SSNA1: variants seen among roughly 807,000 people sequenced by gnomAD.
SSNA1 encodes microtubule nucleation factor SSNA1.
Under a neutral mutation model 13.3 loss-of-function variants are expected in SSNA1, and 13 were observed. The observed-to-expected ratio is 0.97, with a 90% CI of 0.63 to 1.55. The LOEUF is 1.55. Among genes scored for constraint, SSNA1 ranks in the 40% most tolerant of loss-of-function variants. SSNA1 has a pLI of 0.00. For missense variants in SSNA1, 186 were observed against 152.7 expected, an observed-to-expected ratio of 1.22 and a Z score of -1.15; for synonymous variants, 89 against 65.9, an observed-to-expected ratio of 1.35 and a Z score of -1.70.
chr9:137,189,338 G>C lies in SSNA1; in HGVS notation c.252+73G>C, dbSNP rs1380957804. On this transcript the variant is annotated intron_variant, in intron 2 of 2. Coordinates refer to ENST00000322310, the MANE Select transcript of SSNA1 (RefSeq NM_003731.3). ...GGGTGTTGCCACGGCAAGGCGTCAGGACCGGCTGGGGCTCCCGGCTGTGGG... is the reference window on the plus strand; with the variant it reads ...GGGTGTTGCCACGGCAAGGCGTCAGCACCGGCTGGGGCTCCCGGCTGTGGG... The C allele has an allele frequency of 6.4e-6, 10 of 1,551,208 alleles. No homozygotes were observed. In the Middle Eastern group the frequency reaches 6.7e-4, roughly 104 times the overall value.
Position 137,188,685 on chromosome 9 carries a change from T to A in SSNA1, c.-42T>A, listed in dbSNP as rs1196192525. On this transcript the variant is annotated 5_prime_UTR_variant, in exon 1 of 3. Transcript: ENST00000322310. ...GTGCGCAGGCGCGGACAGCGCTGCT[T>A]CCGCGGCGGTTGGGGTGGTGGGGCC... The A allele has an allele frequency of 6.4e-7, 1 of 1,572,790 alleles. No individual in the cohort carries two copies. Among genetic ancestry groups the A allele is most frequent in the Non-Finnish European group, 8.6e-7 (1 of 1,168,426 alleles).
chr9:137,189,789 T>A lies in SSNA1; in HGVS notation c.253-18T>A. On this transcript the variant is annotated intron_variant, in intron 2 of 2. Coordinates refer to ENST00000322310, the MANE Select transcript of SSNA1 (RefSeq NM_003731.3). ...CAACAGGTGAACATTAACAACCTTC[T>A]CACTTCTCTGGCCCCAGATCCTGGA... is the stretch of plus-strand genomic sequence containing the variant. 6.2e-7 allele frequency: 1 copy of A among 1,611,028 alleles called. No homozygotes were observed. The highest frequency in any genetic ancestry group is 8.5e-7 in the Non-Finnish European group (1 of 1,177,524).
intron 1 of SSNA1, 79 bp downstream of exon 1, chr9:137,188,857 C>G: frequency 6.9e-7 from 1 of 1,441,032 alleles, no homozygotes; most frequent in Non-Finnish European, 9.1e-7. Context: ...TGCCCCTGGA[C>G]CCGCCTCGCT....
At position 137,189,794 on chromosome 9, in the gene SSNA1, T is replaced by C; in HGVS notation, c.253-13T>C. ...GGTGAACATTAACAACCTTCTCACT[T>C]CTCTGGCCCCAGATCCTGGAGAGCT... is the stretch of plus-strand genomic sequence containing the variant. On this transcript the variant is annotated splice_polypyrimidine_tract_variant and intron_variant, in intron 2 of 2. Transcript: ENST00000322310. The C allele has an allele frequency of 6.2e-7, 1 of 1,612,814 alleles. No homozygotes were observed. The highest frequency in any genetic ancestry group is 8.5e-7 in the Non-Finnish European group (1 of 1,179,078).
chr9:137,190,241 C>T lies in SSNA1; in HGVS notation c.*327C>T, dbSNP rs995224548. The T allele has an allele frequency of 1.8e-5, 6 of 333,512 alleles. No homozygotes were observed. Among genetic ancestry groups the T allele is most frequent in the South Asian group, 3.2e-5 (1 of 30,894 alleles). 20.7% of individuals were successfully genotyped at this position (333,512 alleles called of 1,614,324 possible). The stretch of plus-strand genomic sequence containing the variant: ...CACCATGGGGGCCCCCTCACCTTGT[C>T]CCTCCTCAGCCAGCAGAGGCCCAGG... On this transcript the variant is annotated 3_prime_UTR_variant, in exon 3 of 3. Transcript: ENST00000322310.
Position 137,189,885 on chromosome 9 carries a change from C to T in SSNA1, c.331C>T (p.Gln111Ter). The T allele has an allele frequency of 6.2e-7, 1 of 1,613,914 alleles. No individual in the cohort carries two copies. The highest frequency in any genetic ancestry group is 1.1e-5 in the South Asian group (1 of 91,086). Residue 111 changes from glutamine to a stop codon, truncating the protein, a stop_gained, in exon 3 of 3, where the codon CAG (glutamine) becomes TAG (stop). Transcript: ENST00000322310. LOFTEE classifies it high-confidence loss of function. ...GNLTKATAPD[Q>*]KSSGGRDS ...CCTGACCAAGGCTACAGCCCCAGACCAGAAAAGTAGCGGCGGCAGGGACAG... is the reference window on the plus strand; with the variant it reads ...CCTGACCAAGGCTACAGCCCCAGACTAGAAAAGTAGCGGCGGCAGGGACAG...
In SSNA1 at chr9:137,190,073, G is replaced by A. The variant is rs535973604; in HGVS notation, c.*159G>A. The A allele has an allele frequency of 4.4e-5, 29 of 664,628 alleles. No individual in the cohort carries two copies. The African/African-American group carries it at 4.7e-4, about 11-fold the overall frequency. The allele number at this position is 664,628 out of a possible 1,614,324, so 41.2% of individuals were successfully genotyped here. A position where few individuals can be genotyped will look rare whatever the true frequency, so the allele number is the denominator to read the frequency against. On this transcript the variant is annotated 3_prime_UTR_variant, in exon 3 of 3. Coordinates refer to ENST00000322310, the MANE Select transcript of SSNA1 (RefSeq NM_003731.3). ...CAGCCTCCACTGGCATCAGTGACAAGCCCAGGGCACAGCCCACCCGGGGGT... is the reference window on the plus strand; with the variant it reads ...CAGCCTCCACTGGCATCAGTGACAAACCCAGGGCACAGCCCACCCGGGGGT...
rs756164620 is a variant in SSNA1 at position 137,188,771 on chromosome 9, G to T, written c.45G>T (p.Leu15=). The part of the protein sequence containing the change: ...GAALQNYNNE[L]VKCIEELCQK... The stretch of plus-strand genomic sequence containing the variant: ...CGCTGCAGAACTACAACAACGAGCT[G>T]GTCAAGTGTGAGCGGCGCAGCCGGG... Residue 15 remains leucine, a synonymous_variant, in exon 1 of 3, where the codon CTG becomes CTT. Transcript: ENST00000322310. 60 of 1,580,662 alleles carry T rather than the reference G, an allele frequency of 3.8e-5. No homozygotes were observed. The highest frequency in any genetic ancestry group is 4.6e-5 in the Non-Finnish European group (54 of 1,171,166).
rs1412504056 is a variant in SSNA1 at position 137,189,150 on chromosome 9, A to T, written c.137A>T (p.Glu46Val). ...EEDEKQRLQN[E>V]VRQLTEKLAR... ...GACGAGAAGCAGCGGCTGCAGAATG[A>T]GGTGAGGCAGCTGACAGAGAAGCTG... The change falls in exon 2 of 3, where the codon GAG becomes GTG. Residue 46 changes from glutamate to valine, a missense_variant. Coordinates refer to ENST00000322310, the MANE Select transcript of SSNA1 (RefSeq NM_003731.3). 1.9e-6 allele frequency: 3 copies of T among 1,611,972 alleles called. No individual in the cohort carries two copies. The highest frequency in any genetic ancestry group is 2.5e-6 in the Non-Finnish European group (3 of 1,179,540).
At chr9:137,189,355 G>A (rs1338616222) in intron 2 of SSNA1, 90 bp downstream of exon 2, 3 of 1,456,946 alleles carry the variant, frequency 2.1e-6, no homozygotes, top group South Asian at 2.4e-5. Flanking sequence ...TGGGGCTCCC[G>A]GCTGTGGGCA....
chr9:137,188,902 C>A, intron 1 of SSNA1, 124 bp downstream of exon 1: 1 of 1,324,458 alleles, frequency 7.6e-7, no homozygotes, highest in Non-Finnish European at 9.9e-7. Context: ...GCCCTCCGTG[C>A]CGGAGGCCGG....
chr9:137,188,698 G>A lies in SSNA1; in HGVS notation c.-29G>A. 6.3e-7 allele frequency: 1 copy of A among 1,576,384 alleles called. No individual in the cohort carries two copies. Among genetic ancestry groups the A allele is most frequent in the Non-Finnish European group, 8.5e-7 (1 of 1,169,998 alleles). On this transcript the variant is annotated 5_prime_UTR_variant, in exon 1 of 3. Transcript: ENST00000322310. ...GACAGCGCTGCTTCCGCGGCGGTTG[G>A]GGTGGTGGGGCCCCGGGCGGCGTTG... is the stretch of plus-strand genomic sequence containing the variant.
At position 137,189,195 on chromosome 9, in the gene SSNA1, T is replaced by G; in HGVS notation, c.182T>G (p.Leu61Arg). The change falls in exon 2 of 3, where the codon CTG becomes CGG. Residue 61 changes from leucine to arginine, a missense_variant. Transcript: ENST00000322310. ...AAGCTGGCCCGCGTCAACGAGAACC[T>G]GGCACGCAAGATTGCCTCTCGCAAC... is the stretch of plus-strand genomic sequence containing the variant. Reference protein sequence around the residue: ...TEKLARVNENLARKIASRNEF... With the variant: ...TEKLARVNENRARKIASRNEF... 6.2e-7 allele frequency: 1 copy of G among 1,613,168 alleles called. No individual in the cohort carries two copies.
chr9:137,190,252 C>T lies in SSNA1; in HGVS notation c.*338C>T. 3.1e-6 allele frequency: 1 copy of T among 322,720 alleles called. No homozygotes were observed. Among genetic ancestry groups the T allele is most frequent in the Non-Finnish European group, 5.9e-6 (1 of 169,142 alleles). 20.0% of individuals were successfully genotyped at this position (322,720 alleles called of 1,614,324 possible). A position where few individuals can be genotyped will look rare whatever the true frequency, so the allele number is the denominator to read the frequency against. On this transcript the variant is annotated 3_prime_UTR_variant, in exon 3 of 3. Coordinates refer to ENST00000322310, the MANE Select transcript of SSNA1 (RefSeq NM_003731.3). ...CCCCCTCACCTTGTCCCTCCTCAGC[C>T]AGCAGAGGCCCAGGGCAAGGGACAG... is the stretch of plus-strand genomic sequence containing the variant.
rs151153783 is a variant in SSNA1 at position 137,189,211 on chromosome 9, C to G, written c.198C>G (p.Ala66=). 3.7e-6 allele frequency: 6 copies of G among 1,613,082 alleles called. No homozygotes were observed. Among genetic ancestry groups the G allele is most frequent in the African/African-American group, 2.7e-5 (2 of 74,946 alleles). ...RVNENLARKI[A]SRNEFDRTIA... ...ACGAGAACCTGGCACGCAAGATTGC[C>G]TCTCGCAACGAGTTCGACCGGACCA... Residue 66 remains alanine (A), a synonymous_variant, in exon 2 of 3, where the codon GCC becomes GCG. Coordinates refer to ENST00000322310, the MANE Select transcript of SSNA1 (RefSeq NM_003731.3).
Position 137,190,335 on chromosome 9 carries a change from C to G in SSNA1, c.*421C>G, listed in dbSNP as rs1834587712. 1 of 192,040 alleles carries G rather than the reference C, an allele frequency of 5.2e-6. No individual in the cohort carries two copies. The highest frequency in any genetic ancestry group is 1.3e-4 in the East Asian group (1 of 7,662). The allele number at this position is 192,040 out of a possible 1,614,324, so 11.9% of individuals were successfully genotyped here. On this transcript the variant is annotated 3_prime_UTR_variant, in exon 3 of 3. Coordinates refer to ENST00000322310, the MANE Select transcript of SSNA1 (RefSeq NM_003731.3). ...AAACCTCAGGTCTCACCCCTGTGGC[C>G]TGTGATTATGAATAAAGATTATCTT...
At position 137,190,048 on chromosome 9, in the gene SSNA1, C is replaced by T. The variant is rs1834578977; in HGVS notation, c.*134C>T. 1.8e-5 allele frequency: 14 copies of T among 780,926 alleles called. No homozygotes were observed. The Admixed American group carries it at 2.6e-4, about 14-fold the overall frequency. The allele number at this position is 780,926 out of a possible 1,614,324, so 48.4% of individuals were successfully genotyped here. On this transcript the variant is annotated 3_prime_UTR_variant, in exon 3 of 3. Transcript: ENST00000322310. ...CTCAGGTGCCGAGAGGGGCAGGTGCCAGCCTCCACTGGCATCAGTGACAAG... is the reference window on the plus strand; with the variant it reads ...CTCAGGTGCCGAGAGGGGCAGGTGCTAGCCTCCACTGGCATCAGTGACAAG...
At chr9:137,189,288 G>A (rs766491509) in intron 2 of SSNA1, 23 bp downstream of exon 2, 7 of 1,612,040 alleles carry the variant, frequency 4.3e-6, no homozygotes, top group Non-Finnish European at 5.9e-6. Context: ...AGGCCAGGCC[G>A]AGCATCAGGG....
chr9:137,189,070 AGAGGAGCTGTGCCAGAAGCGG>A lies in SSNA1; in HGVS notation c.71_91del (p.Gln24_Cys30del), dbSNP rs766411427. On this transcript the variant is annotated inframe_deletion, in exon 2 of 3. Transcript: ENST00000322310. ...GCCGCCCCTCCCGGCCCCCAGGCAT[AGAGGAGCTGTGCCAGAAGCGG>A]GAGGAGCTGTGCCGGCAGATCCAGG... 1.9e-4 allele frequency: 298 copies of A among 1,566,752 alleles called. 1 individual carries two copies. Among genetic ancestry groups the A allele is most frequent in the Non-Finnish European group, 2.4e-4 (273 of 1,155,364 alleles).
Sources: allele counts gnomAD v4.1 joint callset, GRCh38; gene constraint gnomAD v4.1.1; transcripts MANE v1.5; gene names NCBI Gene and HGNC (gene_info 2026-07-23, HGNC 2026-07-21).